Variants in EBF1 observed in about 807,000 individuals in gnomAD.
EBF1 encodes EBF transcription factor 1, also known as transcription factor COE1.
A neutral mutation model predicts 68.4 loss-of-function variants in EBF1; 10 were observed. The ratio of observed to expected loss-of-function variants is 0.15; its 90% CI spans 0.09 to 0.25. The LOEUF is 0.25. Among genes scored for constraint, EBF1 ranks in the 10% least tolerant of loss-of-function variants. EBF1 has a pLI of 1.00. For synonymous variants in EBF1, 298 were observed against 299.8 expected (o/e 0.99, Z 0.06); for missense variants, 509 against 794.4 (o/e 0.64, Z 4.32).
chr5:158,865,631 C>T (rs552345646), intron 6 of EBF1, among the ~76,000 whole-genome samples: 1 of 152,166 alleles, frequency 6.6e-6, no homozygotes, highest in South Asian at 2.1e-4. Context: ...TTTGTTGTGC[C>T]GTGTTGTGTT....
In EBF1 at chr5:158,853,973, G is replaced by A. The variant is rs567923118; in HGVS notation, c.555-13863C>T. On this transcript the variant is annotated intron_variant, in intron 6 of 15. Transcript: ENST00000313708. ...ATCAGAACTCAAGAGTCAACGTCTT[G>A]TCTTCAGGGACAGCTTGACTCTTCT... Among the ~76,000 whole-genome samples the A allele has an allele frequency of 3.4e-4, 52 of 152,258 alleles. No individual in the cohort carries two copies. In the South Asian group the frequency reaches 8.7e-3, roughly 26 times the overall value.
intron 11 of EBF1, among the ~76,000 whole-genome samples, chr5:158,722,968 C>G (rs1762253003): frequency 1.3e-5 from 2 of 152,142 alleles, no homozygotes; most frequent in Admixed American, 1.3e-4. Context: ...TGTTCAATGC[C>G]CCTGTATGCA....
chr5:158,964,273 C>T (rs905696912), intron 6 of EBF1, among the ~76,000 whole-genome samples: 2 of 152,092 alleles, frequency 1.3e-5, no homozygotes, highest in African/African-American at 4.8e-5. Flanking sequence ...CTGTACATAA[C>T]TCTTAAAAGC....
chr5:158,977,613 A>G (rs1485949836), intron 6 of EBF1, among the ~76,000 whole-genome samples: 1 of 152,202 alleles, frequency 6.6e-6, no homozygotes, highest in Admixed American at 6.5e-5. Flanking sequence ...GCCAAATAAA[A>G]TTTCTACCAT....
chr5:158,960,615 C>T (rs1817991439), intron 6 of EBF1, among the ~76,000 whole-genome samples: 1 of 152,176 alleles, frequency 6.6e-6, no homozygotes, highest in South Asian at 2.1e-4. Context: ...TAAATATATC[C>T]ACAAATTCTT....
chr5:158,967,764 T>C (rs1386765756), intron 6 of EBF1, among the ~76,000 whole-genome samples: 2 of 152,234 alleles, frequency 1.3e-5, no homozygotes, highest in Admixed American at 6.5e-5. Context: ...TTAGCCCTGC[T>C]TCTGAACACC....
chr5:159,067,665 C>T (rs967701673), intron 6 of EBF1, among the ~76,000 whole-genome samples: 1 of 152,084 alleles, frequency 6.6e-6, no homozygotes. Context: ...ATGTACGGGG[C>T]TCATCTCATA....
intron 6 of EBF1, among the ~76,000 whole-genome samples, chr5:158,878,272 G>A (rs552894121): frequency 6.6e-6 from 1 of 152,196 alleles, no homozygotes; most frequent in South Asian, 2.1e-4. Flanking sequence ...TGAGAAAGTG[G>A]CATGGGAAGA....
At chr5:158,738,070 C>T (rs1765583085) in intron 10 of EBF1, among the ~76,000 whole-genome samples, 1 of 152,116 alleles carries the variant, frequency 6.6e-6, no homozygotes, top group Non-Finnish European at 1.5e-5. Context: ...CCCATAATAT[C>T]CCCATTCATG....
intron 6 of EBF1, among the ~76,000 whole-genome samples, chr5:158,883,513 C>A (rs950753881): frequency 1.2e-4 from 18 of 151,982 alleles, no homozygotes; most frequent in African/African-American, 3.4e-4. Context: ...CATGCCCCAC[C>A]GTGCACTCCC....
intron 6 of EBF1, among the ~76,000 whole-genome samples, chr5:159,029,221 T>A (rs1768289398): frequency 6.6e-6 from 1 of 152,152 alleles, no homozygotes. Context: ...TTGAATCTAT[T>A]AAGTTAGGTA....
intron 6 of EBF1, among the ~76,000 whole-genome samples, chr5:158,845,947 T>TA (rs1791413677): frequency 6.6e-6 from 1 of 152,104 alleles, no homozygotes; most frequent in African/African-American, 2.4e-5. Flanking sequence ...AGTTTTTACC[T>TA]CCCCCAACCC....
rs183505084 is a variant in EBF1, at chr5:158,775,903, A to G, written c.1036+1510T>C. Among the ~76,000 whole-genome samples, 113 of 152,192 alleles carry G rather than the reference A, an allele frequency of 7.4e-4. 2 individuals are homozygous for G. Among genetic ancestry groups the G allele is most frequent in the Admixed American group, 5.9e-4 (9 of 15,256 alleles). ...CTTTAAAAGAAACAGCTAATCTGCTAGTTTGATTATTCTTCAAAACTTACG... is the reference window on the plus strand; with the variant it reads ...CTTTAAAAGAAACAGCTAATCTGCTGGTTTGATTATTCTTCAAAACTTACG... On this transcript the variant is annotated intron_variant, in intron 10 of 15. Transcript: ENST00000313708.
intron 6 of EBF1, among the ~76,000 whole-genome samples, chr5:159,032,867 T>C (rs1769202197): frequency 6.6e-6 from 1 of 152,130 alleles, no homozygotes; most frequent in East Asian, 1.9e-4. Context: ...TTGTTAACTA[T>C]GTTCTCTATT....
At chr5:158,962,995 C>T (rs1753336808) in intron 6 of EBF1, among the ~76,000 whole-genome samples, 1 of 152,208 alleles carries the variant, frequency 6.6e-6, no homozygotes, top group South Asian at 2.1e-4. Flanking sequence ...ATGATGAAAT[C>T]CTTTTCCACC....
intron 12 of EBF1, 96 bp downstream of exon 12, chr5:158,714,021 C>A: frequency 1.5e-6 from 2 of 1,321,388 alleles, no homozygotes; most frequent in Middle Eastern, 1.8e-4. Context: ...ATGCACATGG[C>A]TTTTATATTG....
intron 6 of EBF1, among the ~76,000 whole-genome samples, chr5:159,030,290 T>G (rs969836469): frequency 1.3e-5 from 2 of 152,164 alleles, no homozygotes; most frequent in African/African-American, 2.4e-5. Context: ...GTAATGCAAT[T>G]AAATTACTTT....
chr5:159,040,201 A>T (rs890239414), intron 6 of EBF1, among the ~76,000 whole-genome samples: 2 of 152,176 alleles, frequency 1.3e-5, no homozygotes, highest in African/African-American at 2.4e-5. Context: ...CACCAGCACC[A>T]CACTGGGCTT....
rs756063374 is a variant in EBF1, at chr5:158,840,126, T to C, written c.555-16A>G. 6.2e-7 allele frequency: 1 copy of C among 1,603,926 alleles called. No individual in the cohort carries two copies. Among genetic ancestry groups the C allele is most frequent in the East Asian group, 2.2e-5 (1 of 44,782 alleles). On this transcript the variant is annotated splice_polypyrimidine_tract_variant and intron_variant, in intron 6 of 15. Coordinates refer to ENST00000313708, the MANE Select transcript of EBF1 (RefSeq NM_024007.5). ...CAAGAAGAACCTGTGAAGAAACAAA[T>C]CATCATGGTTAGCATTTCGGTTTCT... is the stretch of plus-strand genomic sequence containing the variant.
Sources: allele counts gnomAD v4.1 joint callset (sites outside exome capture counted in the v4.1 genomes callset), GRCh38; gene constraint gnomAD v4.1.1; transcripts MANE v1.5; gene names NCBI Gene and HGNC (gene_info 2026-07-23, HGNC 2026-07-21).